The following LMTK2 variants were observed in gnomAD, a reference collection of about 807,000 sequenced individuals.
LMTK2 encodes the protein lemur tail kinase 2, also known as serine/threonine-protein kinase LMTK2.
A neutral mutation model predicts 127.5 loss-of-function variants in LMTK2; 37 were observed. The observed-to-expected ratio is 0.29, with a 90% CI of 0.22 to 0.38. LMTK2 has a LOEUF of 0.38. Ranked by LOEUF, LMTK2 falls within the 10% of genes least tolerant of loss-of-function variation. The pLI, the probability that LMTK2 is intolerant of heterozygous loss-of-function variation, is 1.00. For missense variants in LMTK2, 1,694 were observed against 1,920.3 expected, an observed-to-expected ratio of 0.88 and a Z score of 2.20; for synonymous variants, 819 against 810.1, an observed-to-expected ratio of 1.01 and a Z score of -0.19.
chr7:98,134,549 T>C (rs915131852), intron 1 of LMTK2, among the ~76,000 whole-genome samples: 2 of 151,966 alleles, frequency 1.3e-5, no homozygotes, highest in African/African-American at 4.8e-5. Flanking sequence ...GCGCAGTGGC[T>C]CATGCCTGTA....
At chr7:98,183,042 G>A (rs1584286534) in intron 7 of LMTK2, among the ~76,000 whole-genome samples, 1 of 152,272 alleles carries the variant, frequency 6.6e-6, no homozygotes, top group South Asian at 2.1e-4. Context: ...CCATATTCCA[G>A]CCTGACTAAA....
rs139341469 is a variant in LMTK2, at chr7:98,194,129, C to T, written c.3664C>T (p.Pro1222Ser). ...TGACTTCGAGACACAGGACGATCGC[C>T]CCTGCACCCTCGCTTCCACGGGGAC... The part of the protein sequence containing the change: ...GDDFETQDDR[P>S]CTLASTGTNT... The change falls in exon 11 of 14, where the codon CCC becomes TCC. Residue 1222 changes from proline to serine, a missense_variant. By Grantham distance (74) the Pro-to-Ser change is moderately conservative. Transcript: ENST00000297293. The surrounding 1 kb of genome is among the most constrained non-coding windows in gnomAD (Gnocchi z 5.4). 2.5e-6 allele frequency: 4 copies of T among 1,614,102 alleles called. No homozygotes were observed. Among genetic ancestry groups the T allele is most frequent in the East Asian group, 4.5e-5 (2 of 44,878 alleles).
In LMTK2 at chr7:98,191,807, G is replaced by C; in HGVS notation, c.1342G>C (p.Asp448His). Residue 448 changes from aspartate (D) to histidine (H), a missense_variant, in exon 11 of 14, where the codon GAC becomes CAC. Around this residue, in one of 8 missense-constraint regions of LMTK2, gnomAD observed 216 missense variants for 266.8 expected, o/e 0.81. Transcript: ENST00000297293. ...SSNNAAFPIL[D>H]HFARDRLGRE... ...CAACAATGCTGCATTCCCAATTCTC[G>C]ACCACTTTGCCAGGGACCGGCTGGG... is the stretch of plus-strand genomic sequence containing the variant. 2 of 1,614,126 alleles carry C rather than the reference G, an allele frequency of 1.2e-6. No individual in the cohort carries two copies. The highest frequency in any genetic ancestry group is 1.7e-6 in the Non-Finnish European group (2 of 1,180,020).
intron 1 of LMTK2, among the ~76,000 whole-genome samples, chr7:98,108,925 C>T (rs1442441607): frequency 2.9e-5 from 4 of 138,162 alleles, no homozygotes; most frequent in Non-Finnish European, 3.0e-5. Context: ...ATCATCGGTG[C>T]GATATCAGCT....
At chr7:98,166,436 A>G (rs1210130805) in intron 6 of LMTK2, among the ~76,000 whole-genome samples, 5 of 152,232 alleles carry the variant, frequency 3.3e-5, no homozygotes, top group Non-Finnish European at 7.3e-5. Flanking sequence ...AAATTTACAG[A>G]ATAAGGATAT....
chr7:98,196,078 A>G (rs1323464042), intron 11 of LMTK2, among the ~76,000 whole-genome samples: 5 of 151,970 alleles, frequency 3.3e-5, no homozygotes. Flanking sequence ...AGGCCCAGCT[A>G]CTTGGGAGGC....
At chr7:98,138,866 C>A (rs1467938140) in intron 2 of LMTK2, among the ~76,000 whole-genome samples, 1 of 152,204 alleles carries the variant, frequency 6.6e-6, no homozygotes, top group African/African-American at 2.4e-5. Flanking sequence ...TACCAAGCTT[C>A]CCCCGGAGAT....
At chr7:98,181,316 C>A (rs1319504805) in intron 7 of LMTK2, among the ~76,000 whole-genome samples, 3 of 152,220 alleles carry the variant, frequency 2.0e-5, no homozygotes, top group African/African-American at 4.8e-5. Context: ...CTCACCCTGC[C>A]ATCCAGGCTG....
At chr7:98,201,252 T>G (rs1379248705) in intron 11 of LMTK2, among the ~76,000 whole-genome samples, 3 of 152,196 alleles carry the variant, frequency 2.0e-5, no homozygotes, top group Non-Finnish European at 4.4e-5. Flanking sequence ...GTCACTCAGA[T>G]CATTCTTCTC....
intron 4 of LMTK2, among the ~76,000 whole-genome samples, chr7:98,152,411 T>C (rs1796872295): frequency 6.6e-6 from 1 of 152,226 alleles, no homozygotes; most frequent in South Asian, 2.1e-4. Flanking sequence ...CCCTTCAGCG[T>C]TGTCTGTATC....
intron 6 of LMTK2, among the ~76,000 whole-genome samples, chr7:98,162,570 C>T (rs1052891946): frequency 1.6e-4 from 24 of 152,154 alleles, no homozygotes; most frequent in African/African-American, 5.1e-4. Flanking sequence ...CTAAGTCACT[C>T]GGGGACGGTC....
intron 7 of LMTK2, among the ~76,000 whole-genome samples, chr7:98,179,045 G>A (rs564932869): frequency 6.6e-6 from 1 of 152,322 alleles, no homozygotes; most frequent in African/African-American, 2.4e-5. Flanking sequence ...GCCACTGTTT[G>A]CTTCCTCACC....
chr7:98,147,472 A>C (rs1239188996), intron 3 of LMTK2, among the ~76,000 whole-genome samples: 1 of 151,814 alleles, frequency 6.6e-6, no homozygotes, highest in East Asian at 1.9e-4. Context: ...CAGTCCTCCC[A>C]CCTTAGCCTC....
At chr7:98,168,895 T>A (rs1043923012) in intron 6 of LMTK2, among the ~76,000 whole-genome samples, 1 of 152,218 alleles carries the variant, frequency 6.6e-6, no homozygotes, top group African/African-American at 2.4e-5. Flanking sequence ...TTATTTTAAT[T>A]CAGAATACAT....
intron 3 of LMTK2, among the ~76,000 whole-genome samples, chr7:98,145,203 C>T (rs927654871): frequency 2.0e-5 from 3 of 151,352 alleles, no homozygotes; most frequent in Non-Finnish European, 1.5e-5. Context: ...ATTTAGGATG[C>T]TAACTGTAAT....
intron 1 of LMTK2, among the ~76,000 whole-genome samples, chr7:98,116,858 C>T (rs1355016354): frequency 6.6e-6 from 1 of 152,164 alleles, no homozygotes; most frequent in Non-Finnish European, 1.5e-5. Context: ...TTTAGAGTGA[C>T]CTGGACAGCT....
chr7:98,164,522 A>T (rs1206399979), intron 6 of LMTK2, among the ~76,000 whole-genome samples: 1 of 152,222 alleles, frequency 6.6e-6, no homozygotes, highest in Non-Finnish European at 1.5e-5. Context: ...AAGATGATGG[A>T]TGAGATTACC....
intron 1 of LMTK2, among the ~76,000 whole-genome samples, chr7:98,127,301 G>T (rs570915941): frequency 6.6e-6 from 1 of 152,306 alleles, no homozygotes; most frequent in South Asian, 2.1e-4. Flanking sequence ...AGGAAGACAG[G>T]CTTAGTGGTC....
chr7:98,171,713 C>G lies in LMTK2; in HGVS notation c.791+39C>G, dbSNP rs1797195809. On this transcript the variant is annotated intron_variant, in intron 7 of 13. Coordinates refer to ENST00000297293, the MANE Select transcript of LMTK2 (RefSeq NM_014916.4). The surrounding 1 kb of genome is among the most constrained non-coding windows in gnomAD (Gnocchi z 5.1). ...TCAGCGGTGCACGCCCCACACAGCA[C>G]CGGCGGGACAGTCCAGAGAGGCTGC... 6.6e-7 allele frequency: 1 copy of G among 1,520,186 alleles called. No individual in the cohort carries two copies. The highest frequency in any genetic ancestry group is 8.8e-7 in the Non-Finnish European group (1 of 1,140,032). 94.2% of individuals were successfully genotyped at this position (1,520,186 alleles called of 1,614,324 possible). A position where few individuals can be genotyped will look rare whatever the true frequency, so the allele number is the denominator to read the frequency against.
Sources: gnomAD v4.1 joint callset for allele counts (sites outside exome capture counted in the v4.1 genomes callset) on GRCh38, gnomAD v4.1.1 for gene constraint, gnomAD v4.1.1 regional missense constraint, Gnocchi (gnomAD v3.1) non-coding constraint, MANE v1.5 for transcripts, NCBI Gene and HGNC (gene_info 2026-07-23, HGNC 2026-07-21) for gene names.